The following VAV3 variants were observed in gnomAD, a reference collection of about 807,000 sequenced individuals.
The protein encoded by VAV3 is guanine nucleotide exchange factor VAV3.
A neutral mutation model predicts 131.2 loss-of-function variants in VAV3; 94 were observed. That is an observed-to-expected ratio of 0.72 (90% confidence interval 0.61 to 0.85). The LOEUF (loss-of-function observed/expected upper bound fraction) is 0.85, where lower values mean the gene tolerates loss of function less well. Ranked by LOEUF, VAV3 falls within the 40% of genes least tolerant of loss-of-function variation. The pLI is 0.00. For missense variants in VAV3, 939 were observed against 1,002.7 expected (o/e 0.94, Z 0.86); for synonymous variants, 349 against 342.0 (o/e 1.02, Z -0.22).
At chr1:107,906,696 CATAAA>C (rs1204451270) in intron 1 of VAV3, among the ~76,000 whole-genome samples, 6 of 151,784 alleles carry the variant, frequency 4.0e-5, no homozygotes, top group South Asian at 2.1e-4. Context: ...CAATACAATA[CATAAA>C]ATAAAATAAA....
intron 2 of VAV3, among the ~76,000 whole-genome samples, chr1:107,835,765 C>T (rs886509396): frequency 2.0e-5 from 3 of 152,202 alleles, no homozygotes; most frequent in African/African-American, 7.2e-5. Flanking sequence ...GCCACAGCAT[C>T]ACTGCTCTGC....
chr1:107,943,116 T>C (rs1188181531), intron 1 of VAV3, among the ~76,000 whole-genome samples: 1 of 152,194 alleles, frequency 6.6e-6, no homozygotes, highest in Non-Finnish European at 1.5e-5. Flanking sequence ...TCCTTTTTCC[T>C]TGGCACACCA....
chr1:107,658,888 A>G (rs921232116), intron 19 of VAV3, among the ~76,000 whole-genome samples: 4 of 152,038 alleles, frequency 2.6e-5, no homozygotes, highest in African/African-American at 9.7e-5. Context: ...ATTTTCTCCC[A>G]TTCTGTAGGT....
intron 2 of VAV3, among the ~76,000 whole-genome samples, chr1:107,833,842 A>G (rs1668363336): frequency 6.6e-6 from 1 of 152,206 alleles, no homozygotes; most frequent in East Asian, 1.9e-4. Context: ...ATGAATCGTA[A>G]TTAATAATTC....
intron 20 of VAV3, among the ~76,000 whole-genome samples, chr1:107,627,609 C>CT (rs1316254816): frequency 3.3e-5 from 5 of 152,132 alleles, no homozygotes; most frequent in African/African-American, 7.2e-5. Flanking sequence ...CCCAAATACA[C>CT]TTTTTTCTCC....
rs758004069 is a variant in VAV3 at position 107,964,740 on chromosome 1, A to G, written c.130T>C (p.Cys44Arg). The G allele has an allele frequency of 6.2e-7, 1 of 1,614,138 alleles. No individual in the cohort carries two copies. Among genetic ancestry groups the G allele is most frequent in the Non-Finnish European group, 8.5e-7 (1 of 1,180,034 alleles). ...GCCCGGAGGTTGTTAAGCAGCTGGC[A>G]GAGCAGGACTCCATCGCGGAGGGTC... Reference protein sequence around the residue: ...AQTLRDGVLLCQLLNNLRAHS... With the variant: ...AQTLRDGVLLRQLLNNLRAHS... The change falls in exon 1 of 27, where the codon TGC (cysteine) becomes CGC (arginine). Residue 44 changes from cysteine (C) to arginine (R), a missense_variant. Coordinates refer to ENST00000370056, the MANE Select transcript of VAV3 (RefSeq NM_006113.5).
intron 2 of VAV3, among the ~76,000 whole-genome samples, chr1:107,795,596 A>T (rs770998306): frequency 5.9e-5 from 9 of 152,220 alleles, no homozygotes; most frequent in Non-Finnish European, 1.2e-4. Context: ...AATCTGAATG[A>T]TCTTTTAAGG....
At chr1:107,822,279 G>A (rs574146036) in intron 2 of VAV3, among the ~76,000 whole-genome samples, 3 of 152,152 alleles carry the variant, frequency 2.0e-5, no homozygotes, top group South Asian at 4.2e-4. Flanking sequence ...GTGAAGGGAA[G>A]GCAAAGGGTT....
intron 1 of VAV3, among the ~76,000 whole-genome samples, chr1:107,949,134 T>C (rs1212243145): frequency 6.6e-6 from 1 of 152,200 alleles, no homozygotes; most frequent in Non-Finnish European, 1.5e-5. Flanking sequence ...TAAAAGCCCT[T>C]AGGCTCAAAG....
At chr1:107,746,804 A>G (rs72705643) in intron 15 of VAV3, among the ~76,000 whole-genome samples, 9,806 of 152,228 alleles carry the variant, frequency 0.064, 495 homozygotes, top group Admixed American at 0.15. Context: ...GAGCTCTAGC[A>G]GCTATCTCAG....
chr1:107,588,954 A>G (rs1238819260), intron 25 of VAV3, among the ~76,000 whole-genome samples: 1 of 152,186 alleles, frequency 6.6e-6, no homozygotes, highest in Non-Finnish European at 1.5e-5. Flanking sequence ...GTCTCTCAGA[A>G]AGATAAGGCA....
At chr1:107,732,004 A>G (rs959096888) in intron 15 of VAV3, among the ~76,000 whole-genome samples, 43 of 152,194 alleles carry the variant, frequency 2.8e-4, no homozygotes, top group African/African-American at 1.0e-3. Flanking sequence ...CTTACTTCTA[A>G]GTGAAGAGAA....
chr1:107,864,044 C>G lies in VAV3; in HGVS notation c.321+10857G>C, dbSNP rs565969681. ...GAAGTATACCCAGGTTTAAAAGCCT[C>G]TGCAGAAGAGCTTATATATAAACAA... On this transcript the variant is annotated intron_variant, in intron 2 of 26. Coordinates refer to ENST00000370056, the MANE Select transcript of VAV3 (RefSeq NM_006113.5). Among the ~76,000 whole-genome samples the G allele has an allele frequency of 3.3e-5, 5 of 152,296 alleles. No homozygotes were observed. In the South Asian group the frequency reaches 1.0e-3, roughly 32 times the overall value.
At chr1:107,668,064 T>G (rs1472744225) in intron 19 of VAV3, among the ~76,000 whole-genome samples, 1 of 152,178 alleles carries the variant, frequency 6.6e-6, no homozygotes, top group Non-Finnish European at 1.5e-5. Flanking sequence ...AGCCTTCACA[T>G]CAAGGTCATA....
intron 1 of VAV3, among the ~76,000 whole-genome samples, chr1:107,936,477 A>G (rs1673715174): frequency 6.6e-6 from 1 of 152,196 alleles, no homozygotes; most frequent in African/African-American, 2.4e-5. Flanking sequence ...GTTTTTAAAG[A>G]TATGACAATC....
At chr1:107,595,491 TA>T (rs773971387) in intron 25 of VAV3, among the ~76,000 whole-genome samples, 22 of 151,950 alleles carry the variant, frequency 1.4e-4, no homozygotes, top group Non-Finnish European at 2.8e-4. Flanking sequence ...AACACTTATT[TA>T]AAAAAAATAA....
intron 22 of VAV3, among the ~76,000 whole-genome samples, chr1:107,607,794 G>C (rs1463093644): frequency 6.6e-6 from 1 of 152,138 alleles, no homozygotes; most frequent in African/African-American, 2.4e-5. Flanking sequence ...GTATGCAAGA[G>C]ACAAAATTTA....
rs1651948332 is a variant in VAV3 at position 107,602,563 on chromosome 1, A to G, written c.2133-79T>C. ...CAATAATTACCAGAGGGCATGCCCCAATAACATTTTAGGAATTAATTCTGC... is the reference window on the plus strand; with the variant it reads ...CAATAATTACCAGAGGGCATGCCCCGATAACATTTTAGGAATTAATTCTGC... On this transcript the variant is annotated intron_variant, in intron 23 of 26. Transcript: ENST00000370056. The G allele has an allele frequency of 5.3e-6, 6 of 1,136,398 alleles. No homozygotes were observed. In the South Asian group the frequency reaches 9.0e-5, roughly 17 times the overall value. The allele number at this position is 1,136,398 out of a possible 1,614,324, so 70.4% of individuals were successfully genotyped here.
chr1:107,696,048 A>G (rs1259025650), intron 17 of VAV3, among the ~76,000 whole-genome samples: 1 of 152,190 alleles, frequency 6.6e-6, no homozygotes, highest in Non-Finnish European at 1.5e-5. Flanking sequence ...ACACATTCAA[A>G]GCCAGAGGTT....
Sources: gnomAD v4.1 joint callset for allele counts (sites outside exome capture counted in the v4.1 genomes callset) on GRCh38, gnomAD v4.1.1 for gene constraint, MANE v1.5 for transcripts, NCBI Gene and HGNC (gene_info 2026-07-23, HGNC 2026-07-21) for gene names.